Variants in CDH13 observed in about 807,000 individuals in gnomAD.
CDH13 encodes the protein cadherin 13, also known as cadherin-13.
A neutral mutation model predicts 63.8 loss-of-function variants in CDH13; 24 were observed. The ratio of observed to expected loss-of-function variants is 0.38; its 90% confidence interval spans 0.27 to 0.53. The LOEUF (loss-of-function observed/expected upper bound fraction) is 0.53. Among genes scored for constraint, CDH13 ranks in the 20% least tolerant of loss-of-function variants. The pLI is 0.85. For synonymous variants in CDH13, 503 were observed against 355.3 expected, an observed-to-expected ratio of 1.42 and a Z score of -4.67; for missense variants, 1,049 against 903.1, an observed-to-expected ratio of 1.16 and a Z score of -2.07.
At chr16:83,347,092 C>T (rs907412631) in intron 6 of CDH13, among the ~76,000 whole-genome samples, 12 of 152,184 alleles carry the variant, frequency 7.9e-5, no homozygotes, top group Admixed American at 5.2e-4. Context: ...ACTTAGATTA[C>T]TTAGCACCCT....
chr16:83,594,781 C>T (rs1907099738), intron 7 of CDH13, among the ~76,000 whole-genome samples: 1 of 152,190 alleles, frequency 6.6e-6, no homozygotes, highest in Non-Finnish European at 1.5e-5. Context: ...CTGTTAAATG[C>T]ATACCTGTGT....
At position 82,867,126 on chromosome 16, in the gene CDH13, C is replaced by T. The variant is rs187459437; in HGVS notation, c.157+8653C>T. 5.3e-5 allele frequency among the ~76,000 whole-genome samples: 8 copies of T among 152,320 alleles called. No homozygotes were observed. The Middle Eastern group carries it at 0.01, about 194-fold the overall frequency. On this transcript the variant is annotated intron_variant, in intron 2 of 13. Transcript: ENST00000567109. ...ACAGCTCTTAGGGGAAAGGTACTCT[C>T]ATCTGCCCATTTTACAGGTGAGGAC...
At chr16:83,305,566 T>C (rs967807635) in intron 5 of CDH13, among the ~76,000 whole-genome samples, 3 of 152,216 alleles carry the variant, frequency 2.0e-5, no homozygotes, top group African/African-American at 7.2e-5. Context: ...GTTGCAATTA[T>C]ATCTTCCAAG....
intron 2 of CDH13, among the ~76,000 whole-genome samples, chr16:83,018,112 G>C (rs1173885882): frequency 3.9e-5 from 6 of 152,154 alleles, no homozygotes; most frequent in Admixed American, 2.6e-4. Context: ...GTGAACCTGA[G>C]TTCAAACCCC....
chr16:83,154,038 G>C (rs1268109290), intron 4 of CDH13, among the ~76,000 whole-genome samples: 1 of 152,150 alleles, frequency 6.6e-6, no homozygotes, highest in Non-Finnish European at 1.5e-5. Flanking sequence ...TCTTTAGAGA[G>C]CCATGTCCTG....
chr16:82,935,358 A>AT (rs2042635539), intron 2 of CDH13, among the ~76,000 whole-genome samples: 2 of 152,134 alleles, frequency 1.3e-5, no homozygotes, highest in South Asian at 4.1e-4. Flanking sequence ...ACACGTGGGG[A>AT]TTATGATTTG....
intron 1 of CDH13, among the ~76,000 whole-genome samples, chr16:82,835,949 T>A (rs1316019903): frequency 6.6e-6 from 1 of 152,246 alleles, no homozygotes; most frequent in East Asian, 1.9e-4. Flanking sequence ...GCTCCTCAAG[T>A]AGCAAAGTCT....
chr16:83,290,414 T>C (rs2089438218), intron 5 of CDH13, among the ~76,000 whole-genome samples: 2 of 152,118 alleles, frequency 1.3e-5, no homozygotes, highest in Admixed American at 6.5e-5. Context: ...GTTCTCATGG[T>C]AGTGAAGAAG....
At chr16:83,401,641 A>G (rs1009127954) in intron 6 of CDH13, among the ~76,000 whole-genome samples, 1 of 151,958 alleles carries the variant, frequency 6.6e-6, no homozygotes, top group South Asian at 2.1e-4. Context: ...TATACCAGTA[A>G]TATTCCCATT....
chr16:82,978,542 C>T (rs1439899093), intron 2 of CDH13, among the ~76,000 whole-genome samples: 2 of 152,220 alleles, frequency 1.3e-5, no homozygotes, highest in Non-Finnish European at 2.9e-5. Flanking sequence ...ACAGCCATAG[C>T]TAAAAGAGGC....
intron 2 of CDH13, among the ~76,000 whole-genome samples, chr16:82,939,698 T>C (rs2042775071): frequency 6.6e-6 from 1 of 152,332 alleles, no homozygotes; most frequent in South Asian, 2.1e-4. Flanking sequence ...TAAGAAGTCC[T>C]TTCTCCTCAC....
intron 10 of CDH13, among the ~76,000 whole-genome samples, chr16:83,688,658 C>T (rs1007814018): frequency 5.3e-5 from 8 of 152,048 alleles, no homozygotes; most frequent in Non-Finnish European, 1.2e-4. Flanking sequence ...TTTAAGTCAA[C>T]AAACACAGAG....
chr16:82,816,263 A>G (rs2037704798), intron 1 of CDH13, among the ~76,000 whole-genome samples: 1 of 152,150 alleles, frequency 6.6e-6, no homozygotes, highest in Non-Finnish European at 1.5e-5. Flanking sequence ...AGCAGCAATT[A>G]TTCATTGCCA....
intron 4 of CDH13, among the ~76,000 whole-genome samples, chr16:83,189,268 C>T (rs1189506906): frequency 2.0e-5 from 3 of 152,188 alleles, no homozygotes; most frequent in Non-Finnish European, 4.4e-5. Context: ...AAGCTCAGGC[C>T]TCCAGCCCCT....
intron 11 of CDH13, among the ~76,000 whole-genome samples, chr16:83,768,482 G>C (rs1914548388): frequency 1.3e-5 from 2 of 152,174 alleles, no homozygotes; most frequent in African/African-American, 4.8e-5. Flanking sequence ...TTAATGGAAA[G>C]GGGTCATGAT....
chr16:83,377,339 C>G (rs1320093915), intron 6 of CDH13, among the ~76,000 whole-genome samples: 1 of 152,144 alleles, frequency 6.6e-6, no homozygotes, highest in Non-Finnish European at 1.5e-5. Flanking sequence ...ACACCCAGCC[C>G]CCAGTTCCTA....
intron 3 of CDH13, among the ~76,000 whole-genome samples, chr16:83,109,849 G>A (rs866611250): frequency 2.6e-5 from 4 of 152,168 alleles, no homozygotes; most frequent in African/African-American, 9.7e-5. Flanking sequence ...ACGGGCTTCC[G>A]ACTAAAGAAT....
chr16:83,388,303 T>C (rs1385728852), intron 6 of CDH13, among the ~76,000 whole-genome samples: 2 of 126,556 alleles, frequency 1.6e-5, no homozygotes, highest in Non-Finnish European at 3.2e-5. Flanking sequence ...AAAAAAAAAA[T>C]GTTAGCCAGG....
At chr16:83,259,874 C>T (rs1343461277) in intron 5 of CDH13, among the ~76,000 whole-genome samples, 2 of 152,112 alleles carry the variant, frequency 1.3e-5, no homozygotes, top group Non-Finnish European at 2.9e-5. Flanking sequence ...AAGCAAACTT[C>T]TTTGGGGGCC....
Sources: allele counts gnomAD v4.1 joint callset (sites outside exome capture counted in the v4.1 genomes callset), GRCh38; gene constraint gnomAD v4.1.1; transcripts MANE v1.5; gene names NCBI Gene and HGNC (gene_info 2026-07-23, HGNC 2026-07-21).